Variants in UBR4 observed in about 807,000 individuals in gnomAD.
UBR4 encodes the protein ubiquitin protein ligase E3 component n-recognin 4, also known as E3 ubiquitin-protein ligase UBR4.
Under a neutral mutation model 575.6 loss-of-function variants are expected in UBR4, and 124 were observed. The observed-to-expected ratio is 0.22, with a 90% CI of 0.19 to 0.25. The LOEUF (loss-of-function observed/expected upper bound fraction) is 0.25, where lower values mean the gene tolerates loss of function less well. Ranked by LOEUF, UBR4 falls within the 10% of genes least tolerant of loss-of-function variation. The probability of loss-of-function intolerance (pLI) is 1.00; values close to 1 mark genes in which losing one functional copy is unlikely to be tolerated. For missense variants in UBR4, 4,818 were observed against 6,478.8 expected (o/e 0.74, Z 8.80); for synonymous variants, 2,455 against 2,473.7 (o/e 0.99, Z 0.22).
rs74752688 is a variant in UBR4, at chr1:19,164,922, C to T, written c.4388G>A (p.Arg1463His). 4.8e-4 allele frequency: 780 copies of T among 1,614,100 alleles called. 17 individuals carry two copies. The East Asian group carries it at 0.016, about 34-fold the overall frequency. ...CATGCGGGTGAGCCAGGCCTGCAGGCGCACAGGTTCCACACAGGCCAGTTG... is the reference window on the plus strand; with the variant it reads ...CATGCGGGTGAGCCAGGCCTGCAGGTGCACAGGTTCCACACAGGCCAGTTG... ...LAQLACVEPVRLQAWLTRMTT... is the reference protein window; with the variant it reads ...LAQLACVEPVHLQAWLTRMTT... The change falls in exon 32 of 106, where the codon CGC (arginine) becomes CAC (histidine). Residue 1463 changes from arginine (R) to histidine (H), a missense_variant. Coordinates refer to ENST00000375254, the MANE Select transcript of UBR4 (RefSeq NM_020765.3).
At chr1:19,097,907 A>G (rs2078214611) in intron 90 of UBR4, among the ~76,000 whole-genome samples, 1 of 152,272 alleles carries the variant, frequency 6.6e-6, no homozygotes, top group Admixed American at 6.5e-5. Context: ...CAATCTGACT[A>G]GAATGATAAG....
intron 2 of UBR4, 109 bp downstream of exon 2, chr1:19,201,609 G>C: frequency 4.4e-6 from 4 of 914,564 alleles, no homozygotes; most frequent in Middle Eastern, 4.6e-4. Flanking sequence ...GCTTAGGAGT[G>C]CTAAAACCTA....
chr1:19,165,648 CG>C lies in UBR4; in HGVS notation c.4211+7del, dbSNP rs1398465156. ...AATATTCACTGAATAAAGCAAAACA[CG>C]GCTCACCTGTCAGAGAAAAACTCCT... On this transcript the variant is annotated splice_region_variant and intron_variant, in intron 30 of 105. Coordinates refer to ENST00000375254, the MANE Select transcript of UBR4 (RefSeq NM_020765.3). The C allele has an allele frequency of 6.2e-7, 1 of 1,611,934 alleles. No individual in the cohort carries two copies. Among genetic ancestry groups the C allele is most frequent in the African/African-American group, 1.3e-5 (1 of 74,888 alleles).
rs2091407907 is a variant in UBR4 at position 19,185,290 on chromosome 1, A to C, written c.1751-4T>G. The C allele has an allele frequency of 1.3e-6, 2 of 1,532,618 alleles. No homozygotes were observed. The highest frequency in any genetic ancestry group is 1.3e-5 in the South Asian group (1 of 79,024). 94.9% of individuals were successfully genotyped at this position (1,532,618 alleles called of 1,614,324 possible). A position where few individuals can be genotyped will look rare whatever the true frequency, so the allele number is the denominator to read the frequency against. ...AAAATAGGCTCACTGTCATCGTCTGAATAGAGAAAGATAAAGTAACGAAAA... is the reference window on the plus strand; with the variant it reads ...AAAATAGGCTCACTGTCATCGTCTGCATAGAGAAAGATAAAGTAACGAAAA... On this transcript the variant is annotated splice_region_variant and splice_polypyrimidine_tract_variant and intron_variant, in intron 14 of 105. Transcript: ENST00000375254.
rs1201016322 is a variant in UBR4, at chr1:19,117,551, G to A, written c.10630-137C>T. 9.3e-7 allele frequency: 1 copy of A among 1,079,384 alleles called. No homozygotes were observed. The highest frequency in any genetic ancestry group is 1.3e-6 in the Non-Finnish European group (1 of 767,010). The allele number at this position is 1,079,384 out of a possible 1,614,324, so 66.9% of individuals were successfully genotyped here. On this transcript the variant is annotated intron_variant, in intron 72 of 105. Coordinates refer to ENST00000375254, the MANE Select transcript of UBR4 (RefSeq NM_020765.3). This position sits in a 1 kb window ranked among gnomAD's most constrained non-coding sequence, Gnocchi z 4.0. ...TTTTTAAAAAATATTTTGTAGAGAT[G>A]GGGTCTCACCATCTTGCCCAGGCTG...
chr1:19,102,439 G>A (rs2078738703), intron 87 of UBR4, among the ~76,000 whole-genome samples: 1 of 151,706 alleles, frequency 6.6e-6, no homozygotes, highest in South Asian at 2.1e-4. Flanking sequence ...GGTCCCTGAC[G>A]AAGTCACAAA....
At chr1:19,116,288 T>A (rs780853491) in intron 73 of UBR4, among the ~76,000 whole-genome samples, 1 of 152,238 alleles carries the variant, frequency 6.6e-6, no homozygotes, top group Non-Finnish European at 1.5e-5. Context: ...CAGAGCTATG[T>A]AGCAGAGCTG....
Position 19,094,923 on chromosome 1 carries a change from G to A in UBR4, c.13729C>T (p.Pro4577Ser). 1.2e-6 allele frequency: 2 copies of A among 1,613,768 alleles called. No homozygotes were observed. The highest frequency in any genetic ancestry group is 1.1e-5 in the South Asian group (1 of 91,070). The part of the protein sequence containing the change: ...EIILDESNAE[P>S]LSEDKGNLLL... ...CCACTCACCTTGTCCTCACTCAGGGGCTCAGCATTGGACTCATCTAGAATG... is the reference window on the plus strand; with the variant it reads ...CCACTCACCTTGTCCTCACTCAGGGACTCAGCATTGGACTCATCTAGAATG... The change falls in exon 94 of 106, where the codon CCC becomes TCC. Residue 4577 changes from proline to serine, a missense_variant. Pro to Ser is a moderately conservative substitution (Grantham distance 74, BLOSUM62 -1). Coordinates refer to ENST00000375254, the MANE Select transcript of UBR4 (RefSeq NM_020765.3).
At chr1:19,209,955 G>T (rs2093233929) in intron 1 of UBR4, 118 bp downstream of exon 1, 1 of 1,339,138 alleles carries the variant, frequency 7.5e-7, no homozygotes, top group African/African-American at 1.5e-5. Context: ...CCGAAGCCGT[G>T]GCTGTGGCGG....
At position 19,177,633 on chromosome 1, in the gene UBR4, G is replaced by C. The variant is rs201374715; in HGVS notation, c.2465C>G (p.Thr822Ser). 6.5e-4 allele frequency: 1,051 copies of C among 1,614,090 alleles called. 18 individuals carry two copies. The Admixed American group carries it at 0.017, about 27-fold the overall frequency. ...QMLLLIFHNF[T>S]ETGRRAILSL... ...CAATATGGCCCGCCGGCCTGTCTCG[G>C]TGAAATTGTGGAAAATGAGGAGGAG... Residue 822 changes from threonine (T) to serine (S), a missense_variant, in exon 19 of 106, where the codon ACC becomes AGC. Physicochemically the swap from Thr to Ser is moderately conservative, Grantham distance 58. Coordinates refer to ENST00000375254, the MANE Select transcript of UBR4 (RefSeq NM_020765.3).
Position 19,143,215 on chromosome 1 carries a change from A to G in UBR4, c.8179+765T>C, listed in dbSNP as rs183934773. On this transcript the variant is annotated intron_variant, in intron 55 of 105. Coordinates refer to ENST00000375254, the MANE Select transcript of UBR4 (RefSeq NM_020765.3). ...AAAGGAAGGAAGGAAGGAAGGAAAGAAAGGAAGGAAGGAAGGAAGGCAGGA... is the reference window on the plus strand; with the variant it reads ...AAAGGAAGGAAGGAAGGAAGGAAAGGAAGGAAGGAAGGAAGGAAGGCAGGA... Among the ~76,000 whole-genome samples, 30 of 119,308 alleles carry G rather than the reference A, an allele frequency of 2.5e-4. No individual in the cohort carries two copies. The South Asian group carries it at 3.2e-3, about 13-fold the overall frequency. The allele number at this position is 119,308 out of a possible 152,430, so 78.3% of individuals were successfully genotyped here.
chr1:19,209,012 A>G (rs2151885936), intron 1 of UBR4, among the ~76,000 whole-genome samples: 1 of 152,366 alleles, frequency 6.6e-6, no homozygotes, highest in South Asian at 2.1e-4. Context: ...TACCAAACTC[A>G]ACCATTATTT....
In UBR4 at chr1:19,121,222, T is replaced by C. The variant is rs2081140209; in HGVS notation, c.10108A>G (p.Ser3370Gly). The C allele has an allele frequency of 6.2e-7, 1 of 1,614,096 alleles. No individual in the cohort carries two copies. Among genetic ancestry groups the C allele is most frequent in the Non-Finnish European group, 8.5e-7 (1 of 1,180,050 alleles). Residue 3370 changes from serine (S) to glycine (G), a missense_variant, in exon 68 of 106, where the codon AGC (serine) becomes GGC (glycine). Ser to Gly is a moderately conservative substitution (Grantham distance 56). This residue lies in a region of UBR4 where 550 missense variants were observed against 791.5 expected (regional missense o/e 0.69). Transcript: ENST00000375254. ...TTQSKSSTKK[S>G]KKEEKEKEKD... Reference sequence around the variant, plus strand: ...TCCTTTTCTTTTTCTTCTTTCTTGCTCTTTTTAGTGGAAGACTTGGACTGT... The same window carrying C: ...TCCTTTTCTTTTTCTTCTTTCTTGCCCTTTTTAGTGGAAGACTTGGACTGT...
intron 49 of UBR4, chr1:19,149,925 AGGAG>A: frequency 1.7e-6 from 1 of 581,572 alleles, no homozygotes; most frequent in Non-Finnish European, 2.6e-6. Context: ...GAAGGGAGGG[AGGAG>A]GCTGGTGGTG....
chr1:19,178,491 T>G (rs1197173044), intron 18 of UBR4, among the ~76,000 whole-genome samples: 1 of 152,210 alleles, frequency 6.6e-6, no homozygotes, highest in Non-Finnish European at 1.5e-5. Flanking sequence ...AGAAGGTTTA[T>G]GCTTTCTCAA....
At position 19,177,538 on chromosome 1, in the gene UBR4, T is replaced by C; in HGVS notation, c.2560A>G (p.Ile854Val). 5.0e-6 allele frequency: 8 copies of C among 1,613,914 alleles called. No homozygotes were observed. Among genetic ancestry groups the C allele is most frequent in the Non-Finnish European group, 5.9e-6 (7 of 1,180,010 alleles). The stretch of plus-strand genomic sequence containing the variant: ...AAGATGAGAAGGAGGCGAGCCAAGA[T>C]AAGCGGCACGAAGCGCATCTGAGCA... ...MDAQMRFVPL[I>V]LARLLLIFDY... The change falls in exon 19 of 106, where the codon ATC becomes GTC. Residue 854 changes from isoleucine to valine, a missense_variant. Transcript: ENST00000375254.
intron 92 of UBR4, 97 bp from the exon 93 acceptor site, chr1:19,095,749 C>T: frequency 9.4e-7 from 1 of 1,068,156 alleles, no homozygotes; most frequent in African/African-American, 1.6e-5. Context: ...TCTACACCAT[C>T]AGCAGGGGCT....
chr1:19,079,378 C>T (rs529031313), intron 103 of UBR4: 1 of 152,330 alleles, frequency 6.6e-6, no homozygotes, highest in Admixed American at 6.5e-5. Flanking sequence ...GATGCTGCAG[C>T]CTAAAGTCCT....
At chr1:19,096,345 G>A (rs777194544) in intron 92 of UBR4, among the ~76,000 whole-genome samples, 178 bp downstream of exon 92, 7 of 152,232 alleles carry the variant, frequency 4.6e-5, no homozygotes, top group Admixed American at 2.0e-4. Flanking sequence ...CCAGCAGGAC[G>A]GGAAAAGGTG....
Sources: allele counts gnomAD v4.1 joint callset (sites outside exome capture counted in the v4.1 genomes callset), GRCh38; gene constraint gnomAD v4.1.1; regional missense constraint gnomAD v4.1.1; non-coding constraint Gnocchi (gnomAD v3.1); transcripts MANE v1.5; gene names NCBI Gene and HGNC (gene_info 2026-07-23, HGNC 2026-07-21).